CHRM3: variants seen among roughly 807,000 people sequenced by gnomAD.
The protein encoded by CHRM3 is muscarinic acetylcholine receptor M3.
A neutral mutation model predicts 41.8 loss-of-function variants in CHRM3; 11 were observed. The observed-to-expected ratio is 0.26, with a 90% CI of 0.17 to 0.44. The LOEUF is 0.44. CHRM3 is among the 20% of genes least tolerant of loss of function. CHRM3 has a pLI of 1.00. For synonymous variants in CHRM3, 297 were observed against 301.4 expected (o/e 0.99, Z 0.15); for missense variants, 571 against 745.4 (o/e 0.77, Z 2.72).
chr1:239,520,594 C>T (rs1669575132), intron 2 of CHRM3, among the ~76,000 whole-genome samples: 1 of 152,172 alleles, frequency 6.6e-6, no homozygotes, highest in Non-Finnish European at 1.5e-5. Flanking sequence ...CCTGCAAAAC[C>T]ATGAGCCAAT....
rs1485280891 is a variant in CHRM3 at position 239,802,976 on chromosome 1, T to C, written c.-146-24276T>C. On this transcript the variant is annotated intron_variant, in intron 5 of 6. Coordinates refer to ENST00000676153, the MANE Select transcript of CHRM3 (RefSeq NM_001375978.1). ...AGCTGCCTCACAGAAAAATCTCTCTTCTAGTAAAGCCTAAAATCCACTATA... is the reference window on the plus strand; with the variant it reads ...AGCTGCCTCACAGAAAAATCTCTCTCCTAGTAAAGCCTAAAATCCACTATA... 2.0e-5 allele frequency among the ~76,000 whole-genome samples: 3 copies of C among 152,216 alleles called. No individual in the cohort carries two copies. The East Asian group carries it at 5.8e-4, about 29-fold the overall frequency.
intron 1 of CHRM3, among the ~76,000 whole-genome samples, chr1:239,459,034 C>T (rs1665165526): frequency 6.6e-6 from 1 of 152,142 alleles, no homozygotes; most frequent in African/African-American, 2.4e-5. Context: ...GTAGTTAGGG[C>T]TCATTCTCCA....
chr1:239,607,487 G>A (rs548156054), intron 3 of CHRM3, among the ~76,000 whole-genome samples: 14 of 151,950 alleles, frequency 9.2e-5, no homozygotes, highest in East Asian at 1.9e-4. Flanking sequence ...GAATAAAAAC[G>A]TGCTTACGAG....
intron 5 of CHRM3, among the ~76,000 whole-genome samples, chr1:239,815,401 T>G (rs575801028): frequency 9.2e-5 from 14 of 152,322 alleles, no homozygotes; most frequent in Non-Finnish European, 4.4e-5. Context: ...GTTTTGTTAT[T>G]TGTAAAATTA....
chr1:239,645,203 G>A (rs1444738518), intron 4 of CHRM3, among the ~76,000 whole-genome samples: 1 of 152,188 alleles, frequency 6.6e-6, no homozygotes, highest in Non-Finnish European at 1.5e-5. Flanking sequence ...CACCAGATGC[G>A]CTCAGCTATG....
chr1:239,457,778 A>G (rs1228921714), intron 1 of CHRM3, among the ~76,000 whole-genome samples: 2 of 152,222 alleles, frequency 1.3e-5, no homozygotes, highest in African/African-American at 4.8e-5. Context: ...TCATAAAATT[A>G]TTAACTGCTT....
chr1:239,772,009 CAAAA>C (rs1024083555), intron 5 of CHRM3, among the ~76,000 whole-genome samples: 6 of 151,906 alleles, frequency 3.9e-5, no homozygotes, highest in African/African-American at 1.2e-4. Context: ...CAAAGAGAAA[CAAAA>C]GAAAGATAAA....
chr1:239,870,576 A>T (rs1466104943), intron 6 of CHRM3, among the ~76,000 whole-genome samples: 1 of 152,116 alleles, frequency 6.6e-6, no homozygotes, highest in Non-Finnish European at 1.5e-5. Context: ...TTTATTGTTC[A>T]TTCCTTTGTT....
At chr1:239,770,349 G>A (rs1411563012) in intron 5 of CHRM3, among the ~76,000 whole-genome samples, 1 of 152,138 alleles carries the variant, frequency 6.6e-6, no homozygotes, top group Non-Finnish European at 1.5e-5. Flanking sequence ...AATGCCTGTA[G>A]TATGGTAAAT....
At chr1:239,553,339 C>G (rs1660047760) in intron 3 of CHRM3, among the ~76,000 whole-genome samples, 1 of 151,904 alleles carries the variant, frequency 6.6e-6, no homozygotes, top group Non-Finnish European at 1.5e-5. Flanking sequence ...AGCTTCTAAA[C>G]TCATAATTAA....
intron 2 of CHRM3, among the ~76,000 whole-genome samples, chr1:239,526,213 C>T (rs962419680): frequency 1.1e-4 from 17 of 152,128 alleles, no homozygotes; most frequent in African/African-American, 3.9e-4. Flanking sequence ...CACAGTCTTT[C>T]TGCATTGAAA....
In CHRM3 at chr1:239,585,227, A is replaced by G. The variant is rs544560960; in HGVS notation, c.-313+39478A>G. 5.7e-4 allele frequency among the ~76,000 whole-genome samples: 87 copies of G among 152,172 alleles called. 1 individual carries two copies. Among genetic ancestry groups the G allele is most frequent in the Admixed American group, 5.9e-4 (9 of 15,280 alleles). On this transcript the variant is annotated intron_variant, in intron 3 of 6. Coordinates refer to ENST00000676153, the MANE Select transcript of CHRM3 (RefSeq NM_001375978.1). ...ATCTGGAAATTCTATTTGAATAATG[A>G]CTGGTTGTCCTTCCTTTCTCTTGTG...
chr1:239,590,611 T>TA (rs1219876439), intron 3 of CHRM3, among the ~76,000 whole-genome samples: 1 of 152,172 alleles, frequency 6.6e-6, no homozygotes, highest in East Asian at 1.9e-4. Flanking sequence ...TAGCTTCTCT[T>TA]ACCCTTTCTT....
chr1:239,463,617 G>T (rs112122408), intron 1 of CHRM3, among the ~76,000 whole-genome samples: 15 of 152,108 alleles, frequency 9.9e-5, no homozygotes, highest in African/African-American at 3.4e-4. Flanking sequence ...TGTGAAGAAA[G>T]GAAATAGAAC....
chr1:239,750,263 G>A (rs1036301194), intron 5 of CHRM3, among the ~76,000 whole-genome samples: 1 of 152,168 alleles, frequency 6.6e-6, no homozygotes, highest in African/African-American at 2.4e-5. Context: ...TGAATGGAGA[G>A]ATGTAAAAGC....
chr1:239,414,545 A>G (rs1661350619), intron 1 of CHRM3, among the ~76,000 whole-genome samples: 2 of 152,378 alleles, frequency 1.3e-5, no homozygotes, highest in Admixed American at 6.5e-5. Flanking sequence ...AGCAGGTAGT[A>G]GAAAAGCTGG....
At chr1:239,717,735 A>C (rs1662530654) in intron 5 of CHRM3, among the ~76,000 whole-genome samples, 2 of 152,038 alleles carry the variant, frequency 1.3e-5, no homozygotes, top group South Asian at 4.1e-4. Flanking sequence ...AGCCACACAC[A>C]ACAAAGAACC....
chr1:239,875,399 T>C (rs531660346), intron 6 of CHRM3, among the ~76,000 whole-genome samples: 14 of 152,252 alleles, frequency 9.2e-5, no homozygotes, highest in South Asian at 2.1e-4. Flanking sequence ...AAACAAAGTT[T>C]ATTGTGTCCC....
chr1:239,826,477 G>A (rs1672473870), intron 5 of CHRM3, among the ~76,000 whole-genome samples: 1 of 152,186 alleles, frequency 6.6e-6, no homozygotes, highest in East Asian at 1.9e-4. Flanking sequence ...TCAGTATTAT[G>A]TGGCAGCCAT....
Sources: gnomAD v4.1 joint callset for allele counts (sites outside exome capture counted in the v4.1 genomes callset) on GRCh38, gnomAD v4.1.1 for gene constraint, MANE v1.5 for transcripts, NCBI Gene and HGNC (gene_info 2026-07-23, HGNC 2026-07-21) for gene names.